Variants in CSMD1 observed in about 807,000 individuals in gnomAD.
The protein encoded by CSMD1 is CUB and sushi domain-containing protein 1.
CSMD1 carries 213 observed loss-of-function variants against 417.5 expected under a neutral mutation model. The ratio of observed to expected loss-of-function variants is 0.51; its 90% CI spans 0.46 to 0.57. The LOEUF (loss-of-function observed/expected upper bound fraction) is 0.57, where lower values mean the gene tolerates loss of function less well. Among genes scored for constraint, CSMD1 ranks in the 20% least tolerant of loss-of-function variants. The pLI is 0.00. For missense variants in CSMD1, 6,923 were observed against 4,529.7 expected (o/e 1.53, Z -15.17); for synonymous variants, 2,862 against 1,736.8 (o/e 1.65, Z -16.11).
chr8:3,950,193 G>A (rs897964063), intron 5 of CSMD1, among the ~76,000 whole-genome samples: 2 of 152,146 alleles, frequency 1.3e-5, no homozygotes, highest in Non-Finnish European at 2.9e-5. Flanking sequence ...TAGAGGCCAC[G>A]ATCCAATACT....
chr8:4,875,436 A>G (rs557938058), intron 1 of CSMD1, among the ~76,000 whole-genome samples: 1 of 152,212 alleles, frequency 6.6e-6, no homozygotes, highest in Non-Finnish European at 1.5e-5. Context: ...TCTATCCTAA[A>G]TATGAATTAA....
intron 3 of CSMD1, among the ~76,000 whole-genome samples, chr8:4,170,536 G>C (rs1355864449): frequency 1.3e-5 from 2 of 151,942 alleles, no homozygotes; most frequent in East Asian, 1.9e-4. Flanking sequence ...TCTATAGTCG[G>C]AGTATTGGAA....
rs533837796 is a variant in CSMD1 at position 4,622,267 on chromosome 8, T to C, written c.302+15075A>G. Among the ~76,000 whole-genome samples, 12 of 151,854 alleles carry C rather than the reference T, an allele frequency of 7.9e-5. No individual in the cohort carries two copies. The South Asian group carries it at 2.5e-3, about 32-fold the overall frequency. On this transcript the variant is annotated intron_variant, in intron 2 of 69. Transcript: ENST00000635120. ...AGAAGAAAAAGGCAAAAGAGGATAC[T>C]TGCCTGGCTGAGATTCAGAGCTGGC...
chr8:3,223,867 G>C lies in CSMD1; in HGVS notation c.4346C>G (p.Ala1449Gly). ...GCCCGTCAGATTCCCTCCACAAGCA[G>C]CTGTCACAGAACAAAAGTTACAGAG... The part of the protein sequence containing the change: ...FWQPDPPTCI[A>G]ACGGNLTGPA... The change falls in exon 28 of 70, where the codon GCT (alanine) becomes GGT (glycine). Residue 1449 changes from alanine to glycine, a missense_variant and splice_region_variant. Ala to Gly is a moderately conservative substitution (Grantham distance 60). Transcript: ENST00000635120. 1 of 1,613,632 alleles carries C rather than the reference G, an allele frequency of 6.2e-7. No individual in the cohort carries two copies. Among genetic ancestry groups the C allele is most frequent in the Non-Finnish European group, 8.5e-7 (1 of 1,179,722 alleles).
chr8:3,097,779 T>C (rs897218491), intron 46 of CSMD1, among the ~76,000 whole-genome samples: 4 of 152,134 alleles, frequency 2.6e-5, no homozygotes, highest in African/African-American at 9.7e-5. Context: ...GGAACTACTG[T>C]ACTTAGCATA....
intron 54 of CSMD1, among the ~76,000 whole-genome samples, chr8:2,987,965 GT>G (rs1806069959): frequency 7.3e-6 from 1 of 136,710 alleles, no homozygotes; most frequent in Non-Finnish European, 1.6e-5. Context: ...TACCATGGGG[GT>G]TGGCTGCACC....
At chr8:3,629,886 T>C (rs540999301) in intron 7 of CSMD1, among the ~76,000 whole-genome samples, 1 of 152,362 alleles carries the variant, frequency 6.6e-6, no homozygotes, top group East Asian at 1.9e-4. Context: ...ATCGTGCCTT[T>C]TCACTTAGAA....
chr8:4,251,036 C>A (rs2128830913), intron 3 of CSMD1, among the ~76,000 whole-genome samples: 1 of 152,264 alleles, frequency 6.6e-6, no homozygotes, highest in African/African-American at 2.4e-5. Flanking sequence ...AGATACTGGA[C>A]ACAAATTCAA....
chr8:3,058,455 C>G (rs866771939), intron 49 of CSMD1, among the ~76,000 whole-genome samples: 2 of 152,172 alleles, frequency 1.3e-5, no homozygotes, highest in African/African-American at 4.8e-5. Context: ...AAAACAATCA[C>G]TAGTTAATTT....
At chr8:3,752,374 G>C (rs1049564371) in intron 6 of CSMD1, among the ~76,000 whole-genome samples, 1 of 152,064 alleles carries the variant, frequency 6.6e-6, no homozygotes, top group Non-Finnish European at 1.5e-5. Flanking sequence ...ATATTTTGGC[G>C]CTGGGTACGG....
chr8:3,149,524 C>G (rs1819062100), intron 40 of CSMD1, among the ~76,000 whole-genome samples: 1 of 152,182 alleles, frequency 6.6e-6, no homozygotes, highest in African/African-American at 2.4e-5. Context: ...TGTCACCAAG[C>G]TGGAGCGCAG....
intron 2 of CSMD1, among the ~76,000 whole-genome samples, chr8:4,461,504 G>T (rs1389271597): frequency 7.5e-6 from 1 of 133,114 alleles, no homozygotes; most frequent in African/African-American, 2.8e-5. Flanking sequence ...CTCCAGCAAG[G>T]TTACAGAGTA....
In CSMD1 at chr8:2,938,479, T is replaced by A; in HGVS notation, c.*106A>T. ...GCCAGTAGACAAGGTTGAAGATCGCTGCAGTAAAGCCAGAGTGGAAGGGAG... is the reference window on the plus strand; with the variant it reads ...GCCAGTAGACAAGGTTGAAGATCGCAGCAGTAAAGCCAGAGTGGAAGGGAG... On this transcript the variant is annotated 3_prime_UTR_variant, in exon 70 of 70. Coordinates refer to ENST00000635120, the MANE Select transcript of CSMD1 (RefSeq NM_033225.6). 1 of 1,102,730 alleles carries A rather than the reference T, an allele frequency of 9.1e-7. No individual in the cohort carries two copies. Among genetic ancestry groups the A allele is most frequent in the South Asian group, 1.6e-5 (1 of 60,638 alleles). The allele number at this position is 1,102,730 out of a possible 1,614,324, so 68.3% of individuals were successfully genotyped here.
chr8:3,573,135 C>T (rs997525866), intron 10 of CSMD1, among the ~76,000 whole-genome samples: 22 of 152,152 alleles, frequency 1.4e-4, no homozygotes, highest in African/African-American at 4.3e-4. Flanking sequence ...TGTTACACTA[C>T]CAGTATTAGC....
intron 3 of CSMD1, among the ~76,000 whole-genome samples, chr8:4,344,793 T>C (rs894601485): frequency 6.6e-6 from 1 of 152,106 alleles, no homozygotes; most frequent in African/African-American, 2.4e-5. Context: ...CAGCAAGAAA[T>C]ATACATTAGC....
At chr8:4,706,317 T>G (rs889309414) in intron 1 of CSMD1, among the ~76,000 whole-genome samples, 2 of 152,032 alleles carry the variant, frequency 1.3e-5, no homozygotes, top group Non-Finnish European at 2.9e-5. Flanking sequence ...AAATAAGAAA[T>G]AAATAAAATA....
At chr8:4,533,749 G>A (rs1045237956) in intron 2 of CSMD1, among the ~76,000 whole-genome samples, 1 of 151,664 alleles carries the variant, frequency 6.6e-6, no homozygotes, top group South Asian at 2.1e-4. Flanking sequence ...ATTAGCAATA[G>A]TATTACAGTG....
Position 3,284,224 on chromosome 8 carries a change from T to C in CSMD1, c.4073A>G (p.His1358Arg), listed in dbSNP as rs1293682862. ...CAGGGTGAGTGAGTTGAAGGTGCTGTGGATGTCCTCCGGAAGGGCGGAGCC... is the reference window on the plus strand; with the variant it reads ...CAGGGTGAGTGAGTTGAAGGTGCTGCGGATGTCCTCCGGAAGGGCGGAGCC... The part of the protein sequence containing the change: ...WSGSALPEDI[H>R]STFNSLTLQF... Residue 1358 changes from histidine (H) to arginine (R), a missense_variant, in exon 26 of 70, where the codon CAC becomes CGC. Coordinates refer to ENST00000635120, the MANE Select transcript of CSMD1 (RefSeq NM_033225.6). The C allele has an allele frequency of 8.1e-6, 13 of 1,612,516 alleles. No homozygotes were observed. The highest frequency in any genetic ancestry group is 1.7e-5 in the Admixed American group (1 of 59,812).
At chr8:4,587,932 TAGA>T (rs1286422222) in intron 2 of CSMD1, among the ~76,000 whole-genome samples, 1 of 152,222 alleles carries the variant, frequency 6.6e-6, no homozygotes, top group Non-Finnish European at 1.5e-5. Context: ...CTTCCAGTGA[TAGA>T]AGGAGATTGT....
Sources: allele counts gnomAD v4.1 joint callset (sites outside exome capture counted in the v4.1 genomes callset), GRCh38; gene constraint gnomAD v4.1.1; transcripts MANE v1.5; gene names NCBI Gene and HGNC (gene_info 2026-07-23, HGNC 2026-07-21).